Variants in POFUT3 observed in about 807,000 individuals in gnomAD.
The protein encoded by POFUT3 is GDP-fucose protein O-fucosyltransferase 3.
At chr8:33,449,278 A>ATTTTTT in the POFUT3 span, among the ~76,000 whole-genome samples, 1 of 53,720 alleles carries the variant, frequency 1.9e-5, no homozygotes, top group Non-Finnish European at 3.1e-5. Context: ...ATCCGAGTTG[A>ATTTTTT]TTTTTTTTTT....
chr8:33,430,553 T>C, the POFUT3 span, among the ~76,000 whole-genome samples: 1 of 152,144 alleles, frequency 6.6e-6, no homozygotes, highest in Non-Finnish European at 1.5e-5. Context: ...ACCAGGAGTT[T>C]TACACTTATT....
At chr8:33,349,768 T>C in the POFUT3 span, among the ~76,000 whole-genome samples, 2 of 152,242 alleles carry the variant, frequency 1.3e-5, no homozygotes, top group Admixed American at 6.5e-5. Flanking sequence ...CTTTTTCATA[T>C]AATGACGTCT....
the POFUT3 span, among the ~76,000 whole-genome samples, chr8:33,425,759 C>G: frequency 1.0e-5 from 1 of 95,744 alleles, no homozygotes; most frequent in African/African-American, 3.9e-5. Context: ...CCTATCTCTA[C>G]CAAAAAAAAT....
the POFUT3 span, among the ~76,000 whole-genome samples, chr8:33,413,258 T>C: frequency 2.0e-3 from 306 of 152,272 alleles, 2 homozygotes; most frequent in Non-Finnish European, 2.2e-3. Flanking sequence ...TAGGTTTCGA[T>C]GAGGTCATGA....
At chr8:33,406,888 TG>T in the POFUT3 span, among the ~76,000 whole-genome samples, 3 of 152,164 alleles carry the variant, frequency 2.0e-5, no homozygotes, top group African/African-American at 7.2e-5. Context: ...GTTTAAATTT[TG>T]ACATAGTGAT....
chr8:33,334,415 AC>A, the POFUT3 span, among the ~76,000 whole-genome samples: 1 of 152,108 alleles, frequency 6.6e-6, no homozygotes, highest in South Asian at 2.1e-4. Context: ...ACAGGGTTTC[AC>A]CACGTTGCCC....
At chr8:33,456,515 GCCCTGCT>G in the POFUT3 span, among the ~76,000 whole-genome samples, 1 of 151,678 alleles carries the variant, frequency 6.6e-6, no homozygotes, top group African/African-American at 2.4e-5. Context: ...AGGCCACCAC[GCCCTGCT>G]AATTTTTTTG....
the POFUT3 span, among the ~76,000 whole-genome samples, chr8:33,454,501 A>G: frequency 6.6e-6 from 1 of 152,176 alleles, no homozygotes; most frequent in Non-Finnish European, 1.5e-5. Context: ...CCATCTGCAA[A>G]GTCTCTTTTG....
At chr8:33,448,415 G>A in the POFUT3 span, among the ~76,000 whole-genome samples, 4 of 152,174 alleles carry the variant, frequency 2.6e-5, no homozygotes, top group Admixed American at 1.3e-4. Context: ...CAGCCTGAGC[G>A]ACAGAGTGAG....
chr8:33,448,512 G>A, the POFUT3 span, among the ~76,000 whole-genome samples: 3 of 152,056 alleles, frequency 2.0e-5, no homozygotes, highest in Non-Finnish European at 4.4e-5. Context: ...GTTCTCCACT[G>A]GTGTACTGCA....
At chr8:33,417,846 G>T in the POFUT3 span, among the ~76,000 whole-genome samples, 1 of 152,296 alleles carries the variant, frequency 6.6e-6, no homozygotes, top group Non-Finnish European at 1.5e-5. Context: ...GCTCAGCCAG[G>T]ATCAGCCGGA....
the POFUT3 span, among the ~76,000 whole-genome samples, chr8:33,444,407 G>C: frequency 1.3e-5 from 2 of 152,074 alleles, no homozygotes; most frequent in Non-Finnish European, 2.9e-5. Flanking sequence ...GATAAGCATG[G>C]GCAGAACGTG....
At chr8:33,441,504 T>C in the POFUT3 span, among the ~76,000 whole-genome samples, 2 of 150,086 alleles carry the variant, frequency 1.3e-5, no homozygotes, top group African/African-American at 2.4e-5. Flanking sequence ...CCTCAGCCTC[T>C]GGAATAACCA....
chr8:33,341,779 C>T, the POFUT3 span, among the ~76,000 whole-genome samples: 1 of 152,130 alleles, frequency 6.6e-6, no homozygotes. Context: ...GAAAATTAGG[C>T]CAGGCTTGGT....
the POFUT3 span, among the ~76,000 whole-genome samples, chr8:33,385,456 A>G: frequency 1.3e-5 from 2 of 152,222 alleles, no homozygotes; most frequent in African/African-American, 4.8e-5. Flanking sequence ...GGACGGGGCC[A>G]TGATGAATGG....
At chr8:33,440,714 G>A in the POFUT3 span, among the ~76,000 whole-genome samples, 1 of 152,108 alleles carries the variant, frequency 6.6e-6, no homozygotes, top group African/African-American at 2.4e-5. Flanking sequence ...ATTGCTATCT[G>A]CTGCCTAATA....
the POFUT3 span, among the ~76,000 whole-genome samples, chr8:33,433,059 C>T: frequency 8.6e-5 from 13 of 151,846 alleles, no homozygotes; most frequent in Non-Finnish European, 1.5e-4. Flanking sequence ...CATGGCAAAA[C>T]TCCATCTCTA....
At chr8:33,413,288 G>C in the POFUT3 span, among the ~76,000 whole-genome samples, 1 of 152,072 alleles carries the variant, frequency 6.6e-6, no homozygotes, top group African/African-American at 2.4e-5. Context: ...CCTTATGATA[G>C]GATTAGTGCT....
chr8:33,464,461 C>T, the POFUT3 span, among the ~76,000 whole-genome samples: 3 of 152,224 alleles, frequency 2.0e-5, no homozygotes, highest in East Asian at 1.9e-4. Flanking sequence ...CTAACTTTGA[C>T]GAGTATTACG....
Sources: gnomAD v4.1 joint callset for allele counts (sites outside exome capture counted in the v4.1 genomes callset) on GRCh38, gnomAD v4.1.1 for gene constraint, MANE v1.5 for transcripts, NCBI Gene and HGNC (gene_info 2026-07-23, HGNC 2026-07-21) for gene names.